XKR4: variants seen among roughly 807,000 people sequenced by gnomAD.
XKR4 encodes XK related 4, also known as XK-related protein 4.
A neutral mutation model predicts 53.9 loss-of-function variants in XKR4; 12 were observed. The ratio of observed to expected loss-of-function variants is 0.22; its 90% confidence interval spans 0.14 to 0.36. XKR4 has a LOEUF of 0.36. Ranked by LOEUF, XKR4 falls within the 10% of genes least tolerant of loss-of-function variation. The pLI, the probability that XKR4 is intolerant of heterozygous loss-of-function variation, is 1.00. For synonymous variants in XKR4, 354 were observed against 362.4 expected, an observed-to-expected ratio of 0.98 and a Z score of 0.26; for missense variants, 799 against 859.5, an observed-to-expected ratio of 0.93 and a Z score of 0.88.
intron 1 of XKR4, chr8:55,164,551 G>C: frequency 2.4e-6 from 1 of 420,556 alleles, no homozygotes; most frequent in South Asian, 1.7e-5. Context: ...TTTACATTGA[G>C]GGTAGTGCTT....
chr8:55,538,387 G>C lies in XKR4; in HGVS notation c.*14160G>C, dbSNP rs1807059198. 1 of 152,212 alleles carries C rather than the reference G, an allele frequency of 6.6e-6. No individual in the cohort carries two copies. Among genetic ancestry groups the C allele is most frequent in the South Asian group, 2.1e-4 (1 of 4,826 alleles). The allele number at this position is 152,212 out of a possible 1,614,324, so 9.4% of individuals were successfully genotyped here. A position where few individuals can be genotyped will look rare whatever the true frequency, so the allele number is the denominator to read the frequency against. On this transcript the variant is annotated 3_prime_UTR_variant, in exon 3 of 3. Transcript: ENST00000327381. ...CCTGAGAACTGGCATTAACAGAAGA[G>C]AGCTGTGTGCAGCACGGAGGAAGTG... is the stretch of plus-strand genomic sequence containing the variant.
At chr8:55,504,862 T>C (rs1206816218) in intron 2 of XKR4, among the ~76,000 whole-genome samples, 1 of 152,136 alleles carries the variant, frequency 6.6e-6, no homozygotes, top group Non-Finnish European at 1.5e-5. Context: ...TTCATAGTAT[T>C]CTCTTATAAT....
Position 55,102,253 on chromosome 8 carries a change from G to A in XKR4, c.-236G>A, listed in dbSNP as rs1816051800. The A allele has an allele frequency of 3.1e-6, 1 of 319,966 alleles. No individual in the cohort carries two copies. Among genetic ancestry groups the A allele is most frequent in the African/African-American group, 2.3e-5 (1 of 43,830 alleles). The allele number at this position is 319,966 out of a possible 1,614,324, so 19.8% of individuals were successfully genotyped here. On this transcript the variant is annotated 5_prime_UTR_variant, in exon 1 of 3. Coordinates refer to ENST00000327381, the MANE Select transcript of XKR4 (RefSeq NM_052898.2). This position sits in a 1 kb window ranked among gnomAD's most constrained non-coding sequence, Gnocchi z 5.1. ...GGCGCCGCGAGCAGCTTGGCTCCGC[G>A]CAGGCAGCCAGGCGGCGCTCCTGCC...
At chr8:55,107,844 C>T (rs1234065394) in intron 1 of XKR4, among the ~76,000 whole-genome samples, 3 of 152,140 alleles carry the variant, frequency 2.0e-5, no homozygotes, top group African/African-American at 7.2e-5. Context: ...TGGTTATTTT[C>T]TGCATATATG....
chr8:55,433,133 G>A lies in XKR4; in HGVS notation c.1006+75256G>A, dbSNP rs955945473. Among the ~76,000 whole-genome samples the A allele has an allele frequency of 3.9e-5, 6 of 152,072 alleles. No homozygotes were observed. The East Asian group carries it at 9.7e-4, about 24-fold the overall frequency. On this transcript the variant is annotated intron_variant, in intron 2 of 2. Coordinates refer to ENST00000327381, the MANE Select transcript of XKR4 (RefSeq NM_052898.2). ...TTTCACAGTAACAATTTTTTTCCCA[G>A]CCCAAGAATTATTTCTTATCATTCA...
intron 1 of XKR4, among the ~76,000 whole-genome samples, chr8:55,211,082 T>C (rs974940209): frequency 6.6e-6 from 1 of 152,182 alleles, no homozygotes; most frequent in African/African-American, 2.4e-5. Flanking sequence ...TGCAACTTGA[T>C]TTTTCAGGCT....
intron 1 of XKR4, among the ~76,000 whole-genome samples, chr8:55,108,098 G>C (rs1354738933): frequency 6.6e-6 from 1 of 152,174 alleles, no homozygotes; most frequent in Non-Finnish European, 1.5e-5. Flanking sequence ...CTCTGGAAGA[G>C]GGGATATCTG....
chr8:55,422,394 G>A (rs1482986760), intron 2 of XKR4, among the ~76,000 whole-genome samples: 1 of 152,190 alleles, frequency 6.6e-6, no homozygotes, highest in Non-Finnish European at 1.5e-5. Context: ...GGGATTTAAA[G>A]GAAGGAGAGA....
chr8:55,437,964 A>AG (rs997956237), intron 2 of XKR4, among the ~76,000 whole-genome samples: 1 of 113,186 alleles, frequency 8.8e-6, no homozygotes, highest in African/African-American at 3.6e-5. Context: ...CAAAAAAAAA[A>AG]AAGAAGAAGA....
intron 1 of XKR4, among the ~76,000 whole-genome samples, chr8:55,154,902 A>G (rs1464716009): frequency 6.6e-6 from 1 of 152,218 alleles, no homozygotes; most frequent in East Asian, 1.9e-4. Context: ...TCACTATAAA[A>G]TTTATATTCA....
intron 2 of XKR4, among the ~76,000 whole-genome samples, chr8:55,448,799 TTA>T (rs1321343596): frequency 2.0e-5 from 3 of 152,244 alleles, no homozygotes; most frequent in African/African-American, 4.8e-5. Context: ...ATTTTGTGCA[TTA>T]TGTCTATTCC....
chr8:55,346,685 ATGTGTG>A (rs10685965), intron 1 of XKR4, among the ~76,000 whole-genome samples: 278 of 138,472 alleles, frequency 2.0e-3, no homozygotes, highest in South Asian at 6.5e-3. Context: ...TGTTGAGGTT[ATGTGTG>A]TGTGTGTGTG....
At chr8:55,470,001 A>T (rs1315124084) in intron 2 of XKR4, among the ~76,000 whole-genome samples, 1 of 152,116 alleles carries the variant, frequency 6.6e-6, no homozygotes, top group Admixed American at 6.5e-5. Flanking sequence ...AATAAGTGCA[A>T]TAAGAAGTGC....
At chr8:55,137,067 GT>G (rs966111277) in intron 1 of XKR4, among the ~76,000 whole-genome samples, 2 of 152,128 alleles carry the variant, frequency 1.3e-5, no homozygotes, top group Non-Finnish European at 2.9e-5. Flanking sequence ...GAAAACAATA[GT>G]TTTTAGATTC....
intron 2 of XKR4, among the ~76,000 whole-genome samples, chr8:55,508,929 T>C (rs942095965): frequency 1.1e-4 from 16 of 152,204 alleles, no homozygotes; most frequent in African/African-American, 3.6e-4. Context: ...CCCTCCATTT[T>C]TCCAATGAAA....
intron 2 of XKR4, among the ~76,000 whole-genome samples, chr8:55,471,029 G>T (rs958899538): frequency 6.6e-6 from 1 of 152,084 alleles, no homozygotes; most frequent in Non-Finnish European, 1.5e-5. Flanking sequence ...GAAAGGTCTG[G>T]CAACAATATA....
chr8:55,125,360 G>A (rs575610531), intron 1 of XKR4, among the ~76,000 whole-genome samples: 10 of 151,878 alleles, frequency 6.6e-5, no homozygotes, highest in African/African-American at 2.2e-4. Context: ...TCGGCCTCCC[G>A]AGTAGCTGGG....
intron 1 of XKR4, among the ~76,000 whole-genome samples, chr8:55,221,617 G>A (rs776867336): frequency 9.9e-5 from 15 of 152,128 alleles, no homozygotes; most frequent in Non-Finnish European, 1.9e-4. Context: ...TGGCACTATC[G>A]TTCTTTGGCT....
At chr8:55,212,393 T>C (rs66944147) in intron 1 of XKR4, among the ~76,000 whole-genome samples, 24,857 of 152,152 alleles carry the variant, frequency 0.16, 2,396 homozygotes, top group Non-Finnish European at 0.22. Flanking sequence ...TAAAATACTT[T>C]GATTTTATTC....
Sources: gnomAD v4.1 joint callset for allele counts (sites outside exome capture counted in the v4.1 genomes callset) on GRCh38, gnomAD v4.1.1 for gene constraint, Gnocchi (gnomAD v3.1) non-coding constraint, MANE v1.5 for transcripts, NCBI Gene and HGNC (gene_info 2026-07-23, HGNC 2026-07-21) for gene names.